Variants in OSBP2 observed in about 807,000 individuals in gnomAD.
OSBP2 encodes the protein oxysterol-binding protein 2.
A neutral mutation model predicts 96.0 loss-of-function variants in OSBP2; 66 were observed. That is an observed-to-expected ratio of 0.69 (90% CI 0.56 to 0.84). OSBP2 has a LOEUF of 0.84. OSBP2 is among the 40% of genes least tolerant of loss of function. The pLI, the probability that OSBP2 is intolerant of heterozygous loss-of-function variation, is 0.00. For missense variants in OSBP2, 1,038 were observed against 1,222.7 expected (o/e 0.85, Z 2.25); for synonymous variants, 525 against 520.9 (o/e 1.01, Z -0.11).
rs867576308 is a variant in OSBP2 at position 30,887,467 on chromosome 22, G to A, written c.1149G>A (p.Arg383=). 6.2e-7 allele frequency: 1 copy of A among 1,613,946 alleles called. No homozygotes were observed. The highest frequency in any genetic ancestry group is 2.2e-5 in the East Asian group (1 of 44,876). ...TGGAACTAGCAGAGATACACAGTCG[G>A]AAATGGCAGCGGGCACTGCAGTATG... The part of the protein sequence containing the change: ...DFLELAEIHS[R]KWQRALQYEQ... The change falls in exon 4 of 14, where the codon CGG becomes CGA. Residue 383 remains arginine (R), a synonymous_variant. Transcript: ENST00000332585.
chr22:30,870,374 C>G lies in OSBP2; in HGVS notation c.854-55C>G. ...CCCTGCTCGGCCTGGCTGTGCAGGC[C>G]TCTTGGTACCACGTCTGTTCGTAAT... is the stretch of plus-strand genomic sequence containing the variant. On this transcript the variant is annotated intron_variant, in intron 2 of 13. Transcript: ENST00000332585. This position sits in a 1 kb window ranked among gnomAD's most constrained non-coding sequence, Gnocchi z 4.1. The G allele has an allele frequency of 2.5e-6, 4 of 1,593,248 alleles. No homozygotes were observed. Among genetic ancestry groups the G allele is most frequent in the Non-Finnish European group, 3.4e-6 (4 of 1,168,948 alleles).
intron 2 of OSBP2, among the ~76,000 whole-genome samples, chr22:30,866,214 T>G (rs1236415559): frequency 6.6e-6 from 1 of 152,210 alleles, no homozygotes. Flanking sequence ...ATGCGGATTC[T>G]CCTGGATTAC....
chr22:30,695,890 T>A (rs2089022450), intron 1 of OSBP2, among the ~76,000 whole-genome samples: 1 of 152,170 alleles, frequency 6.6e-6, no homozygotes, highest in South Asian at 2.1e-4. Flanking sequence ...CCCCTCAAAG[T>A]CCTTGCCCTT....
chr22:30,890,266 T>A lies in OSBP2; in HGVS notation c.1624-462T>A, dbSNP rs1569168619. Among the ~76,000 whole-genome samples the A allele has an allele frequency of 6.6e-6, 1 of 152,112 alleles. No homozygotes were observed. The highest frequency in any genetic ancestry group is 2.4e-5 in the African/African-American group (1 of 41,418). ...GGCATCATGGTGGGGAGAGTGACCCTGCCCTATGTGACACCGAGATAGGGG... is the reference window on the plus strand; with the variant it reads ...GGCATCATGGTGGGGAGAGTGACCCAGCCCTATGTGACACCGAGATAGGGG... On this transcript the variant is annotated intron_variant, in intron 7 of 13. Coordinates refer to ENST00000332585, the MANE Select transcript of OSBP2 (RefSeq NM_030758.4). The surrounding 1 kb of genome is among the most constrained non-coding windows in gnomAD (Gnocchi z 4.4).
At chr22:30,700,601 T>C (rs909214831) in intron 1 of OSBP2, among the ~76,000 whole-genome samples, 2 of 152,144 alleles carry the variant, frequency 1.3e-5, no homozygotes, top group Non-Finnish European at 2.9e-5. Flanking sequence ...ATACCAGTTG[T>C]CTGCTTGGTG....
intron 1 of OSBP2, among the ~76,000 whole-genome samples, chr22:30,704,106 C>G (rs1431095038): frequency 6.6e-6 from 1 of 152,170 alleles, no homozygotes; most frequent in South Asian, 2.1e-4. Context: ...CTGTGGGGTC[C>G]TGGGTTGGAG....
chr22:30,817,074 T>C (rs2091092229), intron 2 of OSBP2, among the ~76,000 whole-genome samples: 1 of 152,222 alleles, frequency 6.6e-6, no homozygotes. Context: ...CAATGATAAA[T>C]GGAAAGTTTT....
chr22:30,755,871 A>G (rs2090133702), intron 2 of OSBP2, among the ~76,000 whole-genome samples: 1 of 151,996 alleles, frequency 6.6e-6, no homozygotes, highest in African/African-American at 2.4e-5. Context: ...ATTGCACCCC[A>G]CCCGTCTCAG....
At chr22:30,792,750 C>A (rs1213904340) in intron 2 of OSBP2, among the ~76,000 whole-genome samples, 1 of 152,094 alleles carries the variant, frequency 6.6e-6, no homozygotes, top group Non-Finnish European at 1.5e-5. Context: ...GAAAGTGAAC[C>A]CTATGAAAAG....
chr22:30,886,467 G>T (rs2039812292), intron 3 of OSBP2, among the ~76,000 whole-genome samples: 1 of 150,742 alleles, frequency 6.6e-6, no homozygotes, highest in Admixed American at 6.6e-5. Context: ...CTTTAAAAAG[G>T]TGCTAAGACT....
intron 1 of OSBP2, among the ~76,000 whole-genome samples, chr22:30,737,080 A>G (rs1193218118): frequency 6.6e-6 from 1 of 152,060 alleles, no homozygotes; most frequent in Non-Finnish European, 1.5e-5. Flanking sequence ...CAATGGTGCA[A>G]TCTTGGCTCG....
intron 2 of OSBP2, among the ~76,000 whole-genome samples, chr22:30,868,599 G>T (rs1424367302): frequency 6.6e-6 from 1 of 152,248 alleles, no homozygotes; most frequent in Non-Finnish European, 1.5e-5. Flanking sequence ...GGCTGCTGGG[G>T]CCTCCATGAG....
At chr22:30,902,126 G>GAAAAAAAAAAAAAAAAAAAAAAAAAAAGA (rs35391426) in intron 12 of OSBP2, 1 of 115,894 alleles carries the variant, frequency 8.6e-6, no homozygotes, top group South Asian at 1.9e-4. Flanking sequence ...AAAAAAAAAC[G>GAAAAAAAAAAAAAAAAAAAAAAAAAAAGA]AAAAAAAAAA....
rs2089185446 is a variant in OSBP2, at chr22:30,702,805, G to T, written c.644+7252G>T. Among the ~76,000 whole-genome samples the T allele has an allele frequency of 2.0e-5, 3 of 152,298 alleles. No individual in the cohort carries two copies. In the South Asian group the frequency reaches 6.2e-4, roughly 32 times the overall value. ...TTCTCTGCAGATAACTTTGTGTCAAGGGGACACCATGGCCAAGTTTGGCAT... is the reference window on the plus strand; with the variant it reads ...TTCTCTGCAGATAACTTTGTGTCAATGGGACACCATGGCCAAGTTTGGCAT... On this transcript the variant is annotated intron_variant, in intron 1 of 13. Transcript: ENST00000332585.
intron 2 of OSBP2, among the ~76,000 whole-genome samples, chr22:30,785,765 A>T (rs1396718546): frequency 6.6e-6 from 1 of 152,040 alleles, no homozygotes; most frequent in Non-Finnish European, 1.5e-5. Flanking sequence ...CTGCTGTTCC[A>T]GTGATAGTGA....
At chr22:30,836,992 T>G (rs1341248459) in intron 2 of OSBP2, among the ~76,000 whole-genome samples, 4 of 152,158 alleles carry the variant, frequency 2.6e-5, no homozygotes, top group Non-Finnish European at 5.9e-5. Flanking sequence ...GGCTCACTCC[T>G]GTAATCCCAG....
intron 2 of OSBP2, among the ~76,000 whole-genome samples, chr22:30,839,918 A>G (rs1264726362): frequency 6.6e-6 from 1 of 152,110 alleles, no homozygotes; most frequent in Admixed American, 6.5e-5. Context: ...GTTCTTGCCC[A>G]TGCCTATGTC....
intron 1 of OSBP2, among the ~76,000 whole-genome samples, chr22:30,702,459 C>T (rs534022833): frequency 6.6e-6 from 1 of 152,110 alleles, no homozygotes; most frequent in Non-Finnish European, 1.5e-5. Context: ...ACTAAAAATA[C>T]AAAAATTAGC....
intron 3 of OSBP2, among the ~76,000 whole-genome samples, chr22:30,882,325 G>A (rs1391580027): frequency 6.6e-6 from 1 of 152,186 alleles, no homozygotes; most frequent in Non-Finnish European, 1.5e-5. Context: ...GGGGCTCCCA[G>A]ACGGCAATCA....
Sources: gnomAD v4.1 joint callset for allele counts (sites outside exome capture counted in the v4.1 genomes callset) on GRCh38, gnomAD v4.1.1 for gene constraint, Gnocchi (gnomAD v3.1) non-coding constraint, MANE v1.5 for transcripts, NCBI Gene and HGNC (gene_info 2026-07-23, HGNC 2026-07-21) for gene names.